Variants in CDH12 observed in about 807,000 individuals in gnomAD.
CDH12 encodes cadherin-12.
A neutral mutation model predicts 74.1 loss-of-function variants in CDH12; 41 were observed. The ratio of observed to expected loss-of-function variants is 0.55; its 90% CI spans 0.43 to 0.72. CDH12 has a LOEUF of 0.72. Among genes scored for constraint, CDH12 ranks in the 30% least tolerant of loss-of-function variants. The pLI is 0.00. For missense variants in CDH12, 945 were observed against 977.2 expected (o/e 0.97, Z 0.44); for synonymous variants, 399 against 355.0 (o/e 1.12, Z -1.39).
chr5:22,687,343 C>A (rs939337078), intron 1 of CDH12, among the ~76,000 whole-genome samples: 1 of 151,870 alleles, frequency 6.6e-6, no homozygotes, highest in Admixed American at 6.6e-5. Context: ...TAATTTTATT[C>A]TTTAACAGAA....
chr5:22,175,870 C>T (rs1749303353), intron 4 of CDH12, among the ~76,000 whole-genome samples: 1 of 152,122 alleles, frequency 6.6e-6, no homozygotes, highest in Non-Finnish European at 1.5e-5. Context: ...AGCTCAGGAG[C>T]TTTCTCCTTT....
chr5:22,639,149 A>G, intron 1 of CDH12, among the ~76,000 whole-genome samples: 1 of 149,208 alleles, frequency 6.7e-6, no homozygotes, highest in Non-Finnish European at 1.5e-5. Flanking sequence ...GTAGTTAGCT[A>G]TGAAGAGGAT....
At chr5:22,724,411 A>C (rs1744058313) in intron 1 of CDH12, among the ~76,000 whole-genome samples, 1 of 151,732 alleles carries the variant, frequency 6.6e-6, no homozygotes, top group East Asian at 1.9e-4. Context: ...GAGTCTCCAA[A>C]GTGCATTATA....
At chr5:22,333,910 A>C (rs1478695429) in intron 3 of CDH12, among the ~76,000 whole-genome samples, 1 of 152,202 alleles carries the variant, frequency 6.6e-6, no homozygotes, top group East Asian at 1.9e-4. Flanking sequence ...GATGCTGAAA[A>C]AGAATTAAAG....
intron 2 of CDH12, among the ~76,000 whole-genome samples, chr5:22,422,292 C>T (rs1392083700): frequency 2.0e-5 from 3 of 151,900 alleles, no homozygotes; most frequent in Admixed American, 2.0e-4. Context: ...GAGTCTTTCA[C>T]CTGAAGGGAT....
intron 1 of CDH12, among the ~76,000 whole-genome samples, chr5:22,672,136 AAT>A (rs1740937125): frequency 7.6e-6 from 1 of 132,156 alleles, no homozygotes; most frequent in African/African-American, 2.8e-5. Context: ...TTTATATATA[AAT>A]ATATATTTAT....
chr5:22,008,457 G>A (rs1737094228), intron 5 of CDH12, among the ~76,000 whole-genome samples: 1 of 152,024 alleles, frequency 6.6e-6, no homozygotes, highest in African/African-American at 2.4e-5. Flanking sequence ...TCCAACTCCT[G>A]ACCTCAAGTG....
chr5:21,835,296 C>T (rs895625425), intron 8 of CDH12, among the ~76,000 whole-genome samples: 1 of 151,718 alleles, frequency 6.6e-6, no homozygotes, highest in Non-Finnish European at 1.5e-5. Context: ...CACACACATA[C>T]ACTTAGCTTT....
intron 10 of CDH12, among the ~76,000 whole-genome samples, chr5:21,799,062 C>A (rs1177836014): frequency 6.6e-6 from 1 of 152,048 alleles, no homozygotes; most frequent in Non-Finnish European, 1.5e-5. Flanking sequence ...TCCCAAATAA[C>A]AACTCAACAG....
intron 3 of CDH12, among the ~76,000 whole-genome samples, chr5:22,298,899 T>A (rs936647847): frequency 3.3e-5 from 5 of 152,224 alleles, no homozygotes; most frequent in Non-Finnish European, 7.3e-5. Context: ...TAATTTACTT[T>A]TTGGAAATGC....
At chr5:22,372,183 G>C (rs1741322542) in intron 3 of CDH12, among the ~76,000 whole-genome samples, 1 of 152,128 alleles carries the variant, frequency 6.6e-6, no homozygotes, top group Non-Finnish European at 1.5e-5. Flanking sequence ...CTGACCAGAA[G>C]CAGCCAGTGT....
chr5:22,259,059 T>G (rs1156831985), intron 3 of CDH12, among the ~76,000 whole-genome samples: 1 of 152,198 alleles, frequency 6.6e-6, no homozygotes, highest in Non-Finnish European at 1.5e-5. Context: ...AAAATTTTAA[T>G]GTGTTTATTT....
chr5:22,549,809 A>G (rs1738488716), intron 1 of CDH12, among the ~76,000 whole-genome samples: 1 of 152,190 alleles, frequency 6.6e-6, no homozygotes, highest in Non-Finnish European at 1.5e-5. Flanking sequence ...TTTACAGAAG[A>G]GCAAACAGCT....
At chr5:22,410,134 G>T (rs769875336) in intron 2 of CDH12, among the ~76,000 whole-genome samples, 4 of 151,958 alleles carry the variant, frequency 2.6e-5, no homozygotes, top group Non-Finnish European at 4.4e-5. Flanking sequence ...CAAAATGAAA[G>T]CCACAGAAGC....
intron 6 of CDH12, among the ~76,000 whole-genome samples, chr5:21,898,650 T>C (rs1284838321): frequency 6.6e-6 from 1 of 151,954 alleles, no homozygotes; most frequent in Non-Finnish European, 1.5e-5. Flanking sequence ...TGAAATGAGC[T>C]GAGATCGCGC....
intron 6 of CDH12, among the ~76,000 whole-genome samples, chr5:21,964,431 G>GT (rs1396250446): frequency 6.6e-6 from 1 of 151,950 alleles, no homozygotes; most frequent in East Asian, 1.9e-4. Flanking sequence ...GGCTTATTTT[G>GT]TTTTTCCTGC....
intron 1 of CDH12, among the ~76,000 whole-genome samples, chr5:22,652,112 A>G (rs1380471159): frequency 6.6e-6 from 1 of 152,176 alleles, no homozygotes; most frequent in Non-Finnish European, 1.5e-5. Context: ...TAAAATGTGA[A>G]GTATGGTCAA....
At chr5:22,548,391 C>G (rs904412889) in intron 1 of CDH12, among the ~76,000 whole-genome samples, 8 of 152,154 alleles carry the variant, frequency 5.3e-5, no homozygotes, top group Admixed American at 2.0e-4. Flanking sequence ...CTTGTATAAT[C>G]TAAATCTTCA....
chr5:21,794,904 T>C (rs1271551498), intron 10 of CDH12, among the ~76,000 whole-genome samples: 1 of 151,622 alleles, frequency 6.6e-6, no homozygotes, highest in Non-Finnish European at 1.5e-5. Flanking sequence ...CTTTTCTCAT[T>C]TTACATTTTA....
Sources: gnomAD v4.1 joint callset for allele counts (sites outside exome capture counted in the v4.1 genomes callset) on GRCh38, gnomAD v4.1.1 for gene constraint, MANE v1.5 for transcripts, NCBI Gene and HGNC (gene_info 2026-07-23, HGNC 2026-07-21) for gene names.